PTPRG: variants seen among roughly 807,000 people sequenced by gnomAD.
PTPRG encodes the protein receptor-type tyrosine-protein phosphatase gamma.
In PTPRG, 102 loss-of-function variants were observed where a neutral mutation model predicts 165.3. The ratio of observed to expected loss-of-function variants is 0.62; its 90% CI spans 0.53 to 0.73. The LOEUF (loss-of-function observed/expected upper bound fraction) is 0.73. Among genes scored for constraint, PTPRG ranks in the 30% least tolerant of loss-of-function variants. The pLI is 0.00. For missense variants in PTPRG, 1,866 were observed against 1,861.4 expected, an observed-to-expected ratio of 1.00 and a Z score of -0.05; for synonymous variants, 675 against 669.5, an observed-to-expected ratio of 1.01 and a Z score of -0.13.
chr3:61,861,101 G>T (rs902190393), intron 2 of PTPRG, among the ~76,000 whole-genome samples: 21 of 151,884 alleles, frequency 1.4e-4, no homozygotes, highest in African/African-American at 4.9e-4. Context: ...TGGTTTTCTG[G>T]ACAATCATCC....
At chr3:61,591,626 G>C (rs753730197) in intron 1 of PTPRG, among the ~76,000 whole-genome samples, 9 of 152,234 alleles carry the variant, frequency 5.9e-5, no homozygotes, top group Non-Finnish European at 1.3e-4. Context: ...AGGAAGAGGA[G>C]AGGGCAGTGA....
At chr3:61,875,030 T>C (rs576002867) in intron 2 of PTPRG, among the ~76,000 whole-genome samples, 2 of 152,330 alleles carry the variant, frequency 1.3e-5, no homozygotes, top group Admixed American at 6.5e-5. Flanking sequence ...CTGTTTTCTT[T>C]AGAAATTCTC....
rs1300581256 is a variant in PTPRG, at chr3:62,273,978, A to T, written c.3465+134A>T. On this transcript the variant is annotated intron_variant, in intron 23 of 29. Coordinates refer to ENST00000474889, the MANE Select transcript of PTPRG (RefSeq NM_002841.4). The surrounding 1 kb of genome is among the most constrained non-coding windows in gnomAD (Gnocchi z 4.1). Reference sequence around the variant, plus strand: ...CTATTTGTACTCCTTGTACTCCTTAAATGTGATGAAAAAGAAAATACGGTT... The same window carrying T: ...CTATTTGTACTCCTTGTACTCCTTATATGTGATGAAAAAGAAAATACGGTT... 8.2e-6 allele frequency: 7 copies of T among 856,022 alleles called. No homozygotes were observed. The Admixed American group carries it at 1.7e-4, about 21-fold the overall frequency. 53.0% of individuals were successfully genotyped at this position (856,022 alleles called of 1,614,324 possible). A position where few individuals can be genotyped will look rare whatever the true frequency, so the allele number is the denominator to read the frequency against.
chr3:61,841,530 C>T (rs768449081), intron 2 of PTPRG, among the ~76,000 whole-genome samples: 30 of 152,130 alleles, frequency 2.0e-4, no homozygotes, highest in East Asian at 5.8e-4. Context: ...TTATTGAATC[C>T]GTTTCACTGT....
intron 2 of PTPRG, among the ~76,000 whole-genome samples, chr3:61,766,050 G>T (rs908793139): frequency 6.6e-6 from 1 of 152,134 alleles, no homozygotes; most frequent in Non-Finnish European, 1.5e-5. Context: ...ACATAAAAAC[G>T]TCTAATATAT....
intron 2 of PTPRG, among the ~76,000 whole-genome samples, chr3:61,851,793 A>G (rs1182955584): frequency 6.6e-6 from 1 of 152,202 alleles, no homozygotes; most frequent in Non-Finnish European, 1.5e-5. Flanking sequence ...AGCTGCTACA[A>G]TCAGTTTCTT....
intron 2 of PTPRG, among the ~76,000 whole-genome samples, chr3:61,808,392 C>G (rs1013674886): frequency 6.6e-6 from 1 of 152,112 alleles, no homozygotes; most frequent in Non-Finnish European, 1.5e-5. Context: ...TGGCACTCAC[C>G]CCTATTCCTT....
intron 2 of PTPRG, among the ~76,000 whole-genome samples, chr3:61,974,544 T>G (rs1258574779): frequency 1.4e-5 from 2 of 142,344 alleles, no homozygotes; most frequent in African/African-American, 2.8e-5. Flanking sequence ...CAAAGCAAGA[T>G]TCCATCTTAA....
chr3:61,730,227 C>A (rs2032438294), intron 1 of PTPRG, among the ~76,000 whole-genome samples: 1 of 151,418 alleles, frequency 6.6e-6, no homozygotes, highest in African/African-American at 2.4e-5. Context: ...CCAACTGTTG[C>A]AGCTACAGTG....
At chr3:61,692,551 C>A (rs988921163) in intron 1 of PTPRG, among the ~76,000 whole-genome samples, 5 of 152,016 alleles carry the variant, frequency 3.3e-5, no homozygotes. Flanking sequence ...TGGGTACAGG[C>A]GGGCTGAGTC....
intron 3 of PTPRG, among the ~76,000 whole-genome samples, chr3:61,999,066 G>A (rs184766467): frequency 6.6e-5 from 10 of 150,846 alleles, no homozygotes; most frequent in Non-Finnish European, 1.3e-4. Context: ...CTTTTTTTTT[G>A]GATGATATCT....
intron 1 of PTPRG, among the ~76,000 whole-genome samples, chr3:61,700,254 A>G (rs890937351): frequency 6.6e-6 from 1 of 152,162 alleles, no homozygotes; most frequent in East Asian, 1.9e-4. Context: ...ATGAACCTAT[A>G]TATGTGAGAT....
intron 13 of PTPRG, among the ~76,000 whole-genome samples, chr3:62,227,018 G>A (rs1323690154): frequency 6.6e-6 from 1 of 152,134 alleles, no homozygotes; most frequent in Non-Finnish European, 1.5e-5. Context: ...AATATGAAGG[G>A]ATGCAAACCG....
intron 5 of PTPRG, among the ~76,000 whole-genome samples, chr3:62,102,054 A>G (rs924067071): frequency 2.0e-5 from 3 of 152,026 alleles, no homozygotes; most frequent in African/African-American, 7.2e-5. Context: ...ATTTGCTCGT[A>G]TCTTCCCCTA....
intron 26 of PTPRG, among the ~76,000 whole-genome samples, chr3:62,280,322 T>C (rs1702386422): frequency 6.6e-6 from 1 of 151,928 alleles, no homozygotes; most frequent in Admixed American, 6.6e-5. Flanking sequence ...AGACAGGTGA[T>C]ACAAAATCTC....
chr3:61,760,326 A>G (rs2033792722), intron 2 of PTPRG, among the ~76,000 whole-genome samples: 2 of 152,198 alleles, frequency 1.3e-5, no homozygotes, highest in Non-Finnish European at 2.9e-5. Context: ...CAGATTGTTT[A>G]AAATCTTTAA....
intron 17 of PTPRG, chr3:62,263,104 TTAATAAGGTGA>T (rs1701749734): frequency 4.2e-6 from 2 of 473,384 alleles, no homozygotes; most frequent in South Asian, 6.5e-5. Context: ...CTCAGCGAGC[TTAATAAGGTGA>T]CTGAAAGAAA....
At chr3:61,990,840 C>G (rs1177735229) in intron 3 of PTPRG, among the ~76,000 whole-genome samples, 4 of 151,146 alleles carry the variant, frequency 2.6e-5, no homozygotes, top group Non-Finnish European at 5.9e-5. Context: ...TCATGCTGGG[C>G]TAAAATGACT....
intron 1 of PTPRG, among the ~76,000 whole-genome samples, chr3:61,699,182 T>C (rs1351332883): frequency 6.6e-6 from 1 of 151,742 alleles, no homozygotes; most frequent in Admixed American, 6.6e-5. Flanking sequence ...ATAACAAAAT[T>C]AAAAAAAATT....
Sources: gnomAD v4.1 joint callset for allele counts (sites outside exome capture counted in the v4.1 genomes callset) on GRCh38, gnomAD v4.1.1 for gene constraint, Gnocchi (gnomAD v3.1) non-coding constraint, MANE v1.5 for transcripts, NCBI Gene and HGNC (gene_info 2026-07-23, HGNC 2026-07-21) for gene names.